STEAP3: variants seen among roughly 807,000 people sequenced by gnomAD.
STEAP3 encodes the protein metalloreductase STEAP3.
In STEAP3, 35 loss-of-function variants were observed where a neutral mutation model predicts 34.9. The ratio of observed to expected loss-of-function variants is 1.00; its 90% CI spans 0.76 to 1.33. STEAP3 has a LOEUF of 1.33. Among genes scored for constraint, STEAP3 ranks in the 40% most tolerant of loss-of-function variants. The probability of loss-of-function intolerance (pLI) is 0.00; values close to 1 mark genes in which losing one functional copy is unlikely to be tolerated. For synonymous variants in STEAP3, 281 were observed against 301.6 expected (o/e 0.93, Z 0.71); for missense variants, 652 against 667.6 (o/e 0.98, Z 0.26).
chr2:119,248,165 C>T lies in STEAP3; in HGVS notation c.1009C>T (p.Arg337Cys), dbSNP rs779744806. 2.0e-5 allele frequency: 32 copies of T among 1,603,836 alleles called. No homozygotes were observed. The highest frequency in any genetic ancestry group is 2.4e-5 in the Non-Finnish European group (28 of 1,176,992). ...ALYSFCLPLR[R>C]AHRYDLVNLA... ...CTACAGCTTCTGCTTGCCGCTGCGC[C>T]GCGCCCACCGCTACGACCTGGTCAA... Residue 337 changes from arginine (R) to cysteine (C), a missense_variant, in exon 4 of 6, where the codon CGC (arginine) becomes TGC (cysteine). By Grantham distance (180) the Arg-to-Cys change is radical. Coordinates refer to ENST00000393110, the MANE Select transcript of STEAP3 (RefSeq NM_182915.3).
intron 4 of STEAP3, among the ~76,000 whole-genome samples, chr2:119,251,086 C>A (rs1323366856): frequency 6.6e-6 from 1 of 152,138 alleles, no homozygotes; most frequent in African/African-American, 2.4e-5. Flanking sequence ...CTGGATGGTC[C>A]ATGGTAAGCC....
chr2:119,262,778 A>G (rs1677980142), intron 5 of STEAP3, among the ~76,000 whole-genome samples: 1 of 152,234 alleles, frequency 6.6e-6, no homozygotes, highest in African/African-American at 2.4e-5. Context: ...GCATGGTCAT[A>G]TAGTTATTGT....
intron 2 of STEAP3, among the ~76,000 whole-genome samples, chr2:119,241,275 T>C (rs914343430): frequency 2.6e-5 from 4 of 152,134 alleles, no homozygotes; most frequent in African/African-American, 4.8e-5. Context: ...GCTACTGGCA[T>C]GTGAGGCCAT....
Position 119,254,722 on chromosome 2 carries a change from G to A in STEAP3, c.1089G>A (p.Glu363=). 1 of 1,614,058 alleles carries A rather than the reference G, an allele frequency of 6.2e-7. No individual in the cohort carries two copies. Among genetic ancestry groups the A allele is most frequent in the East Asian group, 2.2e-5 (1 of 44,878 alleles). Residue 363 remains glutamate, a synonymous_variant, in exon 5 of 6, where the codon GAG becomes GAA. Transcript: ENST00000393110. ...ANKSHLWVEE[E]VWRMEIYLSL... Reference sequence around the variant, plus strand: ...AGAGCCACCTCTGGGTGGAGGAGGAGGTCTGGCGGATGGAGATCTACCTCT... The same window carrying A: ...AGAGCCACCTCTGGGTGGAGGAGGAAGTCTGGCGGATGGAGATCTACCTCT...
At chr2:119,238,379 T>A (rs577018112) in intron 2 of STEAP3, among the ~76,000 whole-genome samples, 117 of 152,358 alleles carry the variant, frequency 7.7e-4, no homozygotes, top group African/African-American at 2.8e-3. Context: ...TTCATTTGCA[T>A]TTCCCTGAGG....
chr2:119,248,268 C>CG, intron 4 of STEAP3, 62 bp downstream of exon 4: 3 of 1,494,766 alleles, frequency 2.0e-6, no homozygotes, highest in Middle Eastern at 1.8e-4. Flanking sequence ...AGCACCTCCC[C>CG]CCCCCACCAA....
In STEAP3 at chr2:119,263,379, C is replaced by T. The variant is rs779621353; in HGVS notation, c.*41C>T. 2.7e-5 allele frequency: 43 copies of T among 1,593,278 alleles called. 1 individual carries two copies. The Middle Eastern group carries it at 5.0e-4, about 18-fold the overall frequency. On this transcript the variant is annotated 3_prime_UTR_variant, in exon 6 of 6. Transcript: ENST00000393110. ...CTCTGGACCCCGGGCACACGAGGGA[C>T]GGTGCCCTGAGCCCGTTAGGTTTTC...
At chr2:119,245,426 G>A in intron 2 of STEAP3, 63 bp from the exon 3 acceptor site, 2 of 1,519,638 alleles carry the variant, frequency 1.3e-6, no homozygotes, top group Non-Finnish European at 1.8e-6. Context: ...ATAAGAGGAG[G>A]GAGGTGGCAG....
rs200231027 is a variant in STEAP3 at position 119,263,257 on chromosome 2, G to A, written c.1416G>A (p.Arg472=). Residue 472 remains arginine (R), a synonymous_variant, in exon 6 of 6, where the codon CGG becomes CGA. Coordinates refer to ENST00000393110, the MANE Select transcript of STEAP3 (RefSeq NM_182915.3). ...PCISRRLARI[R]RGWERESTIK... ...TCAGCCGCAGACTCGCCAGGATCCG[G>A]AGAGGCTGGGAGAGGGAGAGCACCA... The A allele has an allele frequency of 1.2e-6, 2 of 1,614,082 alleles. No individual in the cohort carries two copies. The highest frequency in any genetic ancestry group is 2.2e-5 in the East Asian group (1 of 44,876).
In STEAP3 at chr2:119,254,770, C is replaced by T. The variant is rs202067099; in HGVS notation, c.1137C>T (p.Gly379=). The part of the protein sequence containing the change: ...IYLSLGVLAL[G]TLSLLAVTSL... ...TCTCCCTGGGAGTGCTGGCCCTCGG[C>T]ACGTTGTCCCTGCTGGCCGTGACCT... is the stretch of plus-strand genomic sequence containing the variant. Residue 379 remains glycine (G), a synonymous_variant, in exon 5 of 6, where the codon GGC becomes GGT. Coordinates refer to ENST00000393110, the MANE Select transcript of STEAP3 (RefSeq NM_182915.3). The T allele has an allele frequency of 4.3e-6, 7 of 1,614,190 alleles. No individual in the cohort carries two copies. The East Asian group carries it at 1.6e-4, about 36-fold the overall frequency.
chr2:119,245,754 C>T lies in STEAP3; in HGVS notation c.288C>T (p.Val96=). The T allele has an allele frequency of 4.3e-6, 7 of 1,614,218 alleles. No individual in the cohort carries two copies. Among genetic ancestry groups the T allele is most frequent in the Non-Finnish European group, 5.1e-6 (6 of 1,180,044 alleles). The change falls in exon 3 of 6, where the codon GTC becomes GTT. Residue 96 remains valine, a synonymous_variant. Coordinates refer to ENST00000393110, the MANE Select transcript of STEAP3 (RefSeq NM_182915.3). The part of the protein sequence containing the change: ...FQEEAVSSPE[V]IFVAVFREHY... Reference sequence around the variant, plus strand: ...AGGAGGCAGTGAGCTCCCCGGAGGTCATCTTTGTGGCTGTGTTCCGGGAGC... The same window carrying T: ...AGGAGGCAGTGAGCTCCCCGGAGGTTATCTTTGTGGCTGTGTTCCGGGAGC...
At position 119,263,801 on chromosome 2, in the gene STEAP3, G is replaced by A. The variant is rs1392334467; in HGVS notation, c.*463G>A. ...GCTCTTGCAGAGCTAGGGCTCTGAA[G>A]GGGAGGGAAGGCAACGGCTCTGCCC... On this transcript the variant is annotated 3_prime_UTR_variant, in exon 6 of 6. Transcript: ENST00000393110. The A allele has an allele frequency of 1.1e-5, 3 of 279,716 alleles. No homozygotes were observed. The highest frequency in any genetic ancestry group is 2.0e-4 in the East Asian group (2 of 9,796). The allele number at this position is 279,716 out of a possible 1,614,324, so 17.3% of individuals were successfully genotyped here.
rs764443015 is a variant in STEAP3, at chr2:119,263,143, C to T, written c.1302C>T (p.Tyr434=). 3.3e-5 allele frequency: 54 copies of T among 1,613,938 alleles called. No individual in the cohort carries two copies. The highest frequency in any genetic ancestry group is 4.6e-5 in the Non-Finnish European group (54 of 1,180,046). ...CCCGCGCCTTCGAGGAGAGCCGCTA[C>T]AAGTTCTACCTGCCTCCCACCTTCA... The part of the protein sequence containing the change: ...GWTRAFEESR[Y]KFYLPPTFTL... The change falls in exon 6 of 6, where the codon TAC becomes TAT. Residue 434 remains tyrosine, a synonymous_variant. Coordinates refer to ENST00000393110, the MANE Select transcript of STEAP3 (RefSeq NM_182915.3).
chr2:119,231,976 G>T (rs1394881734), intron 2 of STEAP3, among the ~76,000 whole-genome samples: 1 of 152,218 alleles, frequency 6.6e-6, no homozygotes, highest in Non-Finnish European at 1.5e-5. Context: ...CTGGGATCAG[G>T]TGGGGCTTCC....
At chr2:119,226,258 G>C (rs547954656) in intron 1 of STEAP3, among the ~76,000 whole-genome samples, 1 of 152,262 alleles carries the variant, frequency 6.6e-6, no homozygotes, top group African/African-American at 2.4e-5. Flanking sequence ...TTGGGGAGTC[G>C]GGCTCTCTGG....
chr2:119,258,665 T>A (rs1677848748), intron 5 of STEAP3, among the ~76,000 whole-genome samples: 1 of 129,256 alleles, frequency 7.7e-6, no homozygotes. Flanking sequence ...TGGAGTGCAG[T>A]GGCACAATCT....
intron 2 of STEAP3, among the ~76,000 whole-genome samples, chr2:119,233,280 T>C (rs1677000120): frequency 1.3e-5 from 2 of 152,258 alleles, no homozygotes; most frequent in Non-Finnish European, 2.9e-5. Flanking sequence ...ACCTTAGATC[T>C]GGTGTTTGAT....
chr2:119,232,217 C>A (rs1478213088), intron 2 of STEAP3, among the ~76,000 whole-genome samples: 2 of 152,214 alleles, frequency 1.3e-5, no homozygotes, highest in African/African-American at 4.8e-5. Flanking sequence ...CTCCCCACCC[C>A]AGAGGCAGCT....
Position 119,257,481 on chromosome 2 carries a change from AAC to A in STEAP3, c.1215+2637_1215+2638del, listed in dbSNP as rs745699812. 3.7e-4 allele frequency: 563 copies of A among 1,538,276 alleles called. 1 individual carries two copies. Among genetic ancestry groups the A allele is most frequent in the South Asian group, 6.2e-4 (51 of 82,078 alleles). On this transcript the variant is annotated intron_variant, in intron 5 of 5. Coordinates refer to ENST00000393110, the MANE Select transcript of STEAP3 (RefSeq NM_182915.3). ...GTGTGTGGCAACTTCCAGTGCAGGA[AAC>A]ACAGGCAGTGGAACCCGAAGACCTG...
Sources: allele counts gnomAD v4.1 joint callset (sites outside exome capture counted in the v4.1 genomes callset), GRCh38; gene constraint gnomAD v4.1.1; transcripts MANE v1.5; gene names NCBI Gene and HGNC (gene_info 2026-07-23, HGNC 2026-07-21).